Variants in PAPPA2 observed in about 807,000 individuals in gnomAD.
The protein encoded by PAPPA2 is pappalysin 2, also known as pappalysin-2.
A neutral mutation model predicts 176.4 loss-of-function variants in PAPPA2; 86 were observed. The observed-to-expected ratio is 0.49, with a 90% CI of 0.41 to 0.58. The LOEUF is 0.58. PAPPA2 is among the 20% of genes least tolerant of loss of function. PAPPA2 has a pLI of 0.00. For synonymous variants in PAPPA2, 809 were observed against 852.2 expected, an observed-to-expected ratio of 0.95 and a Z score of 0.88; for missense variants, 2,073 against 2,256.9, an observed-to-expected ratio of 0.92 and a Z score of 1.65.
At chr1:176,831,211 G>C (rs945542346) in intron 21 of PAPPA2, among the ~76,000 whole-genome samples, 2 of 152,182 alleles carry the variant, frequency 1.3e-5, no homozygotes, top group African/African-American at 4.8e-5. Flanking sequence ...AGCCTTCAAA[G>C]TGTATCTTGT....
At chr1:176,782,000 C>G (rs1006223743) in intron 17 of PAPPA2, among the ~76,000 whole-genome samples, 14 of 152,210 alleles carry the variant, frequency 9.2e-5, no homozygotes, top group Non-Finnish European at 1.3e-4. Flanking sequence ...CTTACATCTT[C>G]TTTTTAGGGA....
At chr1:176,699,007 C>A in intron 7 of PAPPA2, 93 bp from the exon 8 acceptor site, 1 of 1,439,202 alleles carries the variant, frequency 6.9e-7, no homozygotes, top group Non-Finnish European at 9.3e-7. Flanking sequence ...TAAAAGTTCT[C>A]TCCATAGTTC....
At chr1:176,537,633 G>T (rs921480944) in intron 1 of PAPPA2, among the ~76,000 whole-genome samples, 2 of 151,994 alleles carry the variant, frequency 1.3e-5, no homozygotes, top group Non-Finnish European at 2.9e-5. Context: ...TTCCTTCTTT[G>T]TTGAGCAGTT....
At chr1:176,616,483 T>G in intron 3 of PAPPA2, 1 of 802,938 alleles carries the variant, frequency 1.2e-6, no homozygotes, top group East Asian at 3.0e-5. Flanking sequence ...ACAATGCAAT[T>G]AACAGCAATA....
chr1:176,590,854 A>G (rs1211836765), intron 2 of PAPPA2, among the ~76,000 whole-genome samples: 1 of 152,138 alleles, frequency 6.6e-6, no homozygotes, highest in African/African-American at 2.4e-5. Context: ...GCTCAAAATA[A>G]TGATATCTTG....
In PAPPA2 at chr1:176,595,214, G is replaced by T; in HGVS notation, c.1610G>T (p.Gly537Val). 6.2e-7 allele frequency: 1 copy of T among 1,614,210 alleles called. No individual in the cohort carries two copies. The highest frequency in any genetic ancestry group is 8.5e-7 in the Non-Finnish European group (1 of 1,180,030). The stretch of plus-strand genomic sequence containing the variant: ...GTGGTGAACATCTGTGATGATGAGG[G>T]CCTAAACCCCATTGTGAGTGAGGAG... Reference protein sequence around the residue: ...YQVVNICDDEGLNPIVSEEQI... With the variant: ...YQVVNICDDEVLNPIVSEEQI... Residue 537 changes from glycine to valine, a missense_variant, in exon 3 of 23, where the codon GGC becomes GTC. Gly to Val is a moderately radical substitution (Grantham distance 109). Transcript: ENST00000367662.
chr1:176,781,686 G>A (rs1664729344), intron 17 of PAPPA2, among the ~76,000 whole-genome samples: 1 of 151,990 alleles, frequency 6.6e-6, no homozygotes, highest in Admixed American at 6.6e-5. Flanking sequence ...CTTTTAAAAT[G>A]GTCTAGATCA....
intron 21 of PAPPA2, among the ~76,000 whole-genome samples, chr1:176,829,345 A>G (rs1173396640): frequency 6.6e-6 from 1 of 151,930 alleles, no homozygotes; most frequent in Non-Finnish European, 1.5e-5. Context: ...TATTTAATCC[A>G]AACAAGGCAT....
At chr1:176,690,480 T>A in intron 5 of PAPPA2, 50 bp downstream of exon 5, 1 of 1,587,678 alleles carries the variant, frequency 6.3e-7, no homozygotes. Flanking sequence ...ATGGGGGCCT[T>A]TGAGAGCTGG....
At chr1:176,614,349 T>G (rs1318351758) in intron 3 of PAPPA2, among the ~76,000 whole-genome samples, 1 of 152,170 alleles carries the variant, frequency 6.6e-6, no homozygotes, top group Non-Finnish European at 1.5e-5. Flanking sequence ...GAAGCTAACT[T>G]AATTGGGCCA....
intron 2 of PAPPA2, among the ~76,000 whole-genome samples, chr1:176,591,085 GCACACACACACACA>G (rs66535582): frequency 4.6e-4 from 66 of 142,356 alleles, no homozygotes; most frequent in African/African-American, 1.4e-3. Context: ...TCACACACAT[GCACACACACACACA>G]CACACACACA....
In PAPPA2 at chr1:176,551,091, G is replaced by GA. The variant is rs35134626; in HGVS notation, c.-916-4310dup. Among the ~76,000 whole-genome samples, 3 of 151,862 alleles carry GA rather than the reference G, an allele frequency of 2.0e-5. No individual in the cohort carries two copies. In the East Asian group the frequency reaches 5.8e-4, roughly 29 times the overall value. ...ACTTAGTGCTTGTTCCCTTACCTGC[G>GA]AAAAAAGGGGGCCGTAGTAGATTAC... is the stretch of plus-strand genomic sequence containing the variant. On this transcript the variant is annotated intron_variant, in intron 1 of 22. Coordinates refer to ENST00000367662, the MANE Select transcript of PAPPA2 (RefSeq NM_020318.3).
chr1:176,545,646 G>T (rs890005923), intron 1 of PAPPA2, among the ~76,000 whole-genome samples: 1 of 152,072 alleles, frequency 6.6e-6, no homozygotes, highest in East Asian at 1.9e-4. Context: ...TTATATAAGG[G>T]ACTTGAGCAT....
At chr1:176,716,707 G>A (rs1235596632) in intron 12 of PAPPA2, among the ~76,000 whole-genome samples, 1 of 147,358 alleles carries the variant, frequency 6.8e-6, no homozygotes, top group East Asian at 2.0e-4. Flanking sequence ...CGCTTCCCAG[G>A]TTCACGCCAT....
intron 1 of PAPPA2, among the ~76,000 whole-genome samples, chr1:176,465,189 G>A (rs955921644): frequency 1.3e-5 from 2 of 152,096 alleles, no homozygotes; most frequent in Non-Finnish European, 2.9e-5. Flanking sequence ...TTTTGCTGTG[G>A]TAAATGCTAC....
chr1:176,795,656 A>G (rs1053193491), intron 20 of PAPPA2, among the ~76,000 whole-genome samples: 1 of 152,224 alleles, frequency 6.6e-6, no homozygotes, highest in African/African-American at 2.4e-5. Context: ...CTGAAGTACA[A>G]AGACATTCAT....
At chr1:176,816,601 CT>C (rs764753845) in intron 21 of PAPPA2, among the ~76,000 whole-genome samples, 86 of 147,450 alleles carry the variant, frequency 5.8e-4, no homozygotes, top group Middle Eastern at 3.5e-3. Context: ...CTCCTGTTGT[CT>C]TTTTTTTTTA....
chr1:176,744,885 A>G (rs377460664), intron 14 of PAPPA2, among the ~76,000 whole-genome samples: 2 of 152,170 alleles, frequency 1.3e-5, no homozygotes, highest in South Asian at 4.1e-4. Flanking sequence ...AATAATTTTC[A>G]TATATTTCTA....
intron 3 of PAPPA2, among the ~76,000 whole-genome samples, chr1:176,650,420 A>G (rs903745903): frequency 4.1e-5 from 6 of 147,946 alleles, no homozygotes; most frequent in African/African-American, 1.5e-4. Context: ...TATTTATTTT[A>G]TTATATACTT....
Sources: allele counts gnomAD v4.1 joint callset (sites outside exome capture counted in the v4.1 genomes callset), GRCh38; gene constraint gnomAD v4.1.1; transcripts MANE v1.5; gene names NCBI Gene and HGNC (gene_info 2026-07-23, HGNC 2026-07-21).